SLC35F4: variants seen among roughly 807,000 people sequenced by gnomAD.
SLC35F4 encodes solute carrier family 35 member F4, also known as chromosome 14 open reading frame 36.
Under a neutral mutation model 44.2 loss-of-function variants are expected in SLC35F4, and 24 were observed. That is an observed-to-expected ratio of 0.54 (90% CI 0.39 to 0.76). The LOEUF (loss-of-function observed/expected upper bound fraction) is 0.76, where lower values mean the gene tolerates loss of function less well. Ranked by LOEUF, SLC35F4 falls within the 30% of genes least tolerant of loss-of-function variation. The pLI is 0.00. For missense variants in SLC35F4, 562 were observed against 586.1 expected (o/e 0.96, Z 0.42); for synonymous variants, 238 against 223.6 (o/e 1.06, Z -0.57).
chr14:57,937,774 T>C (rs1420043741), intron 1 of SLC35F4, among the ~76,000 whole-genome samples: 1 of 152,100 alleles, frequency 6.6e-6, no homozygotes, highest in Non-Finnish European at 1.5e-5. Flanking sequence ...AGGAACATAC[T>C]GAAGGTGAAC....
chr14:57,573,888 T>C (rs1195226275), intron 4 of SLC35F4, among the ~76,000 whole-genome samples: 2 of 152,190 alleles, frequency 1.3e-5, no homozygotes, highest in Non-Finnish European at 2.9e-5. Context: ...CTAGGTCAAA[T>C]AAACAAGCGG....
chr14:57,622,191 C>G (rs10132477), intron 1 of SLC35F4, among the ~76,000 whole-genome samples: 18,851 of 56,240 alleles, frequency 0.34, 5,424 homozygotes, highest in Middle Eastern at 0.68. Flanking sequence ...AGGATGTGGA[C>G]AAATAGGAAC....
intron 1 of SLC35F4, among the ~76,000 whole-genome samples, chr14:57,885,859 G>A (rs1043563156): frequency 1.3e-5 from 2 of 152,040 alleles, no homozygotes; most frequent in African/African-American, 4.8e-5. Context: ...TCAATGTTAG[G>A]TCCCTCTACA....
intron 1 of SLC35F4, among the ~76,000 whole-genome samples, chr14:57,696,874 C>T (rs1566773103): frequency 6.6e-6 from 1 of 152,140 alleles, no homozygotes; most frequent in Non-Finnish European, 1.5e-5. Context: ...ACAATGAGAA[C>T]ACATGGGCAC....
At chr14:57,746,685 G>A (rs1333720800) in intron 1 of SLC35F4, among the ~76,000 whole-genome samples, 4 of 152,102 alleles carry the variant, frequency 2.6e-5, no homozygotes, top group Non-Finnish European at 5.9e-5. Flanking sequence ...TGATTCTTGT[G>A]TTTTGTTGTA....
At chr14:57,630,384 A>G (rs1382140326) in intron 1 of SLC35F4, 4 of 642,838 alleles carry the variant, frequency 6.2e-6, no homozygotes, top group Non-Finnish European at 1.2e-5. Flanking sequence ...CATTCCAAAT[A>G]TGATAGATTC....
Position 57,778,012 on chromosome 14 carries a change from CAT to C in SLC35F4, c.103+87709_103+87710del, listed in dbSNP as rs1375004536. 2.6e-5 allele frequency among the ~76,000 whole-genome samples: 4 copies of C among 152,330 alleles called. No homozygotes were observed. The East Asian group carries it at 5.8e-4, about 22-fold the overall frequency. ...TGAATTGTAACTCCCACAATTCCCA[CAT>C]GTCATGGGAAGAACCTGGTGGGAGG... On this transcript the variant is annotated intron_variant, in intron 1 of 7. Coordinates refer to ENST00000556826, the MANE Select transcript of SLC35F4 (RefSeq NM_001306087.2).
At chr14:57,733,329 C>T (rs2076387900) in intron 1 of SLC35F4, among the ~76,000 whole-genome samples, 2 of 140,036 alleles carry the variant, frequency 1.4e-5, no homozygotes. Context: ...TTTAAAGATA[C>T]ATGTCTGCTA....
intron 1 of SLC35F4, among the ~76,000 whole-genome samples, chr14:57,918,376 ACT>A (rs1227458457): frequency 3.3e-5 from 5 of 151,782 alleles, no homozygotes; most frequent in Non-Finnish European, 5.9e-5. Context: ...GTAAGTTGTG[ACT>A]CTCTGTATCT....
At chr14:57,881,448 G>C (rs1012957470) in intron 1 of SLC35F4, among the ~76,000 whole-genome samples, 3 of 152,066 alleles carry the variant, frequency 2.0e-5, no homozygotes, top group African/African-American at 7.2e-5. Flanking sequence ...AAGGGGCATG[G>C]TGTCAATATA....
rs574008217 is a variant in SLC35F4, at chr14:57,926,517, G to A, written n.282+55396C>T. 3.3e-5 allele frequency among the ~76,000 whole-genome samples: 5 copies of A among 152,210 alleles called. No individual in the cohort carries two copies. The East Asian group carries it at 5.8e-4, about 18-fold the overall frequency. ...GGGGAAACAACCTTCTGAGGAGTAAGGCAGTGATAAAAAAGCAACCTGATA... is the reference window on the plus strand; with the variant it reads ...GGGGAAACAACCTTCTGAGGAGTAAAGCAGTGATAAAAAAGCAACCTGATA... On this transcript the variant is annotated intron_variant and non_coding_transcript_variant, in intron 1 of 1. Transcript: ENST00000556568.
At chr14:57,870,184 C>T (rs1465597387), upstream of SLC35F4, among the ~76,000 whole-genome samples, 1 of 138,882 alleles carries the variant, frequency 7.2e-6, no homozygotes, top group Admixed American at 6.7e-5. Context: ...GTCTCCCTCT[C>T]TCTCGGTCTG....
intron 1 of SLC35F4, among the ~76,000 whole-genome samples, chr14:57,779,918 T>C (rs1340994063): frequency 6.6e-6 from 1 of 152,196 alleles, no homozygotes; most frequent in Non-Finnish European, 1.5e-5. Flanking sequence ...AAACTAGGTA[T>C]TGATGGAATA....
intron 1 of SLC35F4, among the ~76,000 whole-genome samples, chr14:57,844,107 C>T (rs1885762443): frequency 6.6e-6 from 1 of 151,920 alleles, no homozygotes; most frequent in Non-Finnish European, 1.5e-5. Flanking sequence ...AGTTACCTAC[C>T]CAGTAAGCAT....
intron 1 of SLC35F4, among the ~76,000 whole-genome samples, chr14:57,944,977 G>T (rs1889996638): frequency 6.6e-6 from 1 of 151,986 alleles, no homozygotes; most frequent in Non-Finnish European, 1.5e-5. Flanking sequence ...CCCAACCTTG[G>T]GCTGGTGTCG....
chr14:57,920,392 T>G (rs960591051), intron 1 of SLC35F4, among the ~76,000 whole-genome samples: 10 of 152,054 alleles, frequency 6.6e-5, no homozygotes, highest in Non-Finnish European at 1.5e-4. Context: ...CTGAGCAACA[T>G]GGTAAGACCT....
At chr14:57,874,296 C>T (rs1468018642) in intron 1 of SLC35F4, among the ~76,000 whole-genome samples, 3 of 152,182 alleles carry the variant, frequency 2.0e-5, no homozygotes, top group Non-Finnish European at 2.9e-5. Context: ...ACAGTGCATA[C>T]TTAAGTTCCT....
intron 1 of SLC35F4, among the ~76,000 whole-genome samples, chr14:57,787,644 G>T (rs1225680420): frequency 6.6e-6 from 1 of 152,144 alleles, no homozygotes; most frequent in East Asian, 1.9e-4. Flanking sequence ...CAAGAATTTT[G>T]TATTCAGTAA....
intron 1 of SLC35F4, among the ~76,000 whole-genome samples, chr14:57,615,265 C>G (rs1426158080): frequency 5.3e-5 from 8 of 152,130 alleles, no homozygotes; most frequent in Non-Finnish European, 1.0e-4. Flanking sequence ...CAGGGCAAGA[C>G]ATTTCCAGGA....
Sources: gnomAD v4.1 joint callset for allele counts (sites outside exome capture counted in the v4.1 genomes callset) on GRCh38, gnomAD v4.1.1 for gene constraint, MANE v1.5 for transcripts, NCBI Gene and HGNC (gene_info 2026-07-23, HGNC 2026-07-21) for gene names.